DBT: variants seen among roughly 807,000 people sequenced by gnomAD.
The protein encoded by DBT is dihydrolipoamide branched chain transacylase E2.
A neutral mutation model predicts 51.3 loss-of-function variants in DBT; 40 were observed. The ratio of observed to expected loss-of-function variants is 0.78; its 90% confidence interval spans 0.61 to 1.02. The LOEUF is 1.02. Ranked by LOEUF, DBT falls within the 50% of genes least tolerant of loss-of-function variation. DBT has a pLI of 0.00. For synonymous variants in DBT, 181 were observed against 190.4 expected, an observed-to-expected ratio of 0.95 and a Z score of 0.41; for missense variants, 510 against 580.2, an observed-to-expected ratio of 0.88 and a Z score of 1.24.
intron 3 of DBT, among the ~76,000 whole-genome samples, chr1:100,233,166 C>T (rs979948673): frequency 4.6e-5 from 7 of 152,002 alleles, no homozygotes; most frequent in African/African-American, 1.7e-4. Context: ...TGAGACCAGC[C>T]TGGGCTACAA....
intron 10 of DBT, among the ~76,000 whole-genome samples, chr1:100,198,356 T>G (rs1661226413): frequency 6.6e-6 from 1 of 152,174 alleles, no homozygotes; most frequent in African/African-American, 2.4e-5. Context: ...GAGAGATTAC[T>G]CAGTAAGTGC....
Position 100,187,982 on chromosome 1 carries a change from G to C in DBT, c.*8273C>G, listed in dbSNP as rs963282253. 1 of 152,130 alleles carries C rather than the reference G, an allele frequency of 6.6e-6. No individual in the cohort carries two copies. Among genetic ancestry groups the C allele is most frequent in the Non-Finnish European group, 1.5e-5 (1 of 68,030 alleles). 9.4% of individuals were successfully genotyped at this position (152,130 alleles called of 1,614,324 possible). A position where few individuals can be genotyped will look rare whatever the true frequency, so the allele number is the denominator to read the frequency against. On this transcript the variant is annotated 3_prime_UTR_variant, in exon 11 of 11. Transcript: ENST00000370132. ...ATTTCTAATATACACCTAGTTATTA[G>C]AGAAATTAGTGCACTAAAGGACAGT...
Position 100,216,082 on chromosome 1 carries a change from T to G in DBT, c.673A>C (p.Ile225Leu), listed in dbSNP as rs1472099889. Residue 225 changes from isoleucine to leucine, a missense_variant, in exon 6 of 11, where the codon ATT (isoleucine) becomes CTT (leucine). By Grantham distance (5) the Ile-to-Leu change is conservative. Coordinates refer to ENST00000370132, the MANE Select transcript of DBT (RefSeq NM_001918.5). ...AILPPSPKVE[I>L]MPPPPKPKDM... Reference sequence around the variant, plus strand: ...TTTGGCTTTGGTGGAGGTGGCATAATTTCAACTTTGGGTGAAGGAGGCAAT... The same window carrying G: ...TTTGGCTTTGGTGGAGGTGGCATAAGTTCAACTTTGGGTGAAGGAGGCAAT... The G allele has an allele frequency of 5.6e-6, 9 of 1,613,754 alleles. No individual in the cohort carries two copies. In the Admixed American group the frequency reaches 1.2e-4, roughly 21 times the overall value.
chr1:100,229,666 A>G (rs1259690282), intron 4 of DBT, among the ~76,000 whole-genome samples: 2 of 152,194 alleles, frequency 1.3e-5, no homozygotes, highest in African/African-American at 4.8e-5. Flanking sequence ...AATTACAGTG[A>G]GATATCTTTA....
intron 6 of DBT, among the ~76,000 whole-genome samples, chr1:100,215,249 A>G (rs547919715): frequency 2.0e-5 from 3 of 152,330 alleles, no homozygotes; most frequent in Non-Finnish European, 4.4e-5. Flanking sequence ...AAAAAATTCA[A>G]AAGAATGCAA....
chr1:100,241,125 T>C (rs1216291169), intron 1 of DBT, among the ~76,000 whole-genome samples: 1 of 152,184 alleles, frequency 6.6e-6, no homozygotes, highest in Non-Finnish European at 1.5e-5. Context: ...GCTTAAGTCA[T>C]TGGACTTCCT....
chr1:100,191,647 TG>T lies in DBT; in HGVS notation c.*4607del, dbSNP rs2101816261. On this transcript the variant is annotated 3_prime_UTR_variant, in exon 11 of 11. Transcript: ENST00000370132. ...GCTCCAAAGGTGACTAAGACTCAAG[TG>T]TGGACAGAGTATTCTATTCTCCTGC... is the stretch of plus-strand genomic sequence containing the variant. 1 of 152,284 alleles carries T rather than the reference TG, an allele frequency of 6.6e-6. No individual in the cohort carries two copies. Among genetic ancestry groups the T allele is most frequent in the South Asian group, 2.1e-4 (1 of 4,834 alleles). The allele number at this position is 152,284 out of a possible 1,614,324, so 9.4% of individuals were successfully genotyped here. A position where few individuals can be genotyped will look rare whatever the true frequency, so the allele number is the denominator to read the frequency against.
At position 100,192,817 on chromosome 1, in the gene DBT, C is replaced by T. The variant is rs1361792894; in HGVS notation, c.*3438G>A. 6.6e-6 allele frequency: 1 copy of T among 152,216 alleles called. No homozygotes were observed. The highest frequency in any genetic ancestry group is 1.5e-5 in the Non-Finnish European group (1 of 68,048). 9.4% of individuals were successfully genotyped at this position (152,216 alleles called of 1,614,324 possible). On this transcript the variant is annotated 3_prime_UTR_variant, in exon 11 of 11. Coordinates refer to ENST00000370132, the MANE Select transcript of DBT (RefSeq NM_001918.5). ...AATGAAAAGAGCCTTGATTTTCTTG[C>T]TGACCACTCGCAGCAATAATTTTGG...
chr1:100,205,974 G>A (rs1661756762), intron 10 of DBT, among the ~76,000 whole-genome samples: 2 of 151,288 alleles, frequency 1.3e-5, no homozygotes, highest in Non-Finnish European at 2.9e-5. Context: ...AATACCTAAT[G>A]TAGATGACGG....
intron 10 of DBT, among the ~76,000 whole-genome samples, chr1:100,200,591 A>AC (rs1318452678): frequency 5.9e-5 from 9 of 151,980 alleles, no homozygotes; most frequent in African/African-American, 2.2e-4. Context: ...TGGGTCTCTG[A>AC]CCCCCATGCC....
At chr1:100,211,219 C>T in intron 7 of DBT, 1 of 699,808 alleles carries the variant, frequency 1.4e-6, no homozygotes, top group Non-Finnish European at 2.6e-6. Context: ...CAGTAGATGC[C>T]AGTTTGCTAC....
At chr1:100,198,146 T>C (rs1486006727) in intron 10 of DBT, among the ~76,000 whole-genome samples, 2 of 152,164 alleles carry the variant, frequency 1.3e-5, no homozygotes, top group Admixed American at 1.3e-4. Context: ...AAACAAAACA[T>C]GGCATACATT....
At position 100,206,469 on chromosome 1, in the gene DBT, T is replaced by A. The variant is rs760500398; in HGVS notation, c.1185A>T (p.Thr395=). Reference sequence around the variant, plus strand: ...CTGATCCAATGTTGGAAAGAGTAAATGTTCCTCCTGTAAGATCAGTGGTGC... The same window carrying A: ...CTGATCCAATGTTGGAAAGAGTAAAAGTTCCTCCTGTAAGATCAGTGGTGC... ...QLSTTDLTGG[T]FTLSNIGSIG... The change falls in exon 9 of 11, where the codon ACA becomes ACT. Residue 395 remains threonine, a synonymous_variant. Transcript: ENST00000370132. 1.9e-6 allele frequency: 3 copies of A among 1,613,666 alleles called. No homozygotes were observed. The highest frequency in any genetic ancestry group is 1.3e-5 in the African/African-American group (1 of 74,910).
At chr1:100,238,220 C>G (rs944617443) in intron 2 of DBT, among the ~76,000 whole-genome samples, 1 of 139,442 alleles carries the variant, frequency 7.2e-6, no homozygotes, top group African/African-American at 2.6e-5. Flanking sequence ...TCCCTCGCTT[C>G]CTTTCCTCCC....
At chr1:100,222,994 G>A (rs1472578563) in intron 4 of DBT, among the ~76,000 whole-genome samples, 1 of 152,180 alleles carries the variant, frequency 6.6e-6, no homozygotes, top group Non-Finnish European at 1.5e-5. Context: ...TTGGTTATAT[G>A]TCTTCTCAGA....
chr1:100,215,029 T>G, intron 6 of DBT, 46 bp from the exon 7 acceptor site: 1 of 1,257,700 alleles, frequency 8.0e-7, no homozygotes, highest in Non-Finnish European at 1.1e-6. Context: ...TTCTCAAATC[T>G]CTTCATCCTT....
chr1:100,230,837 A>G lies in DBT; in HGVS notation c.329T>C (p.Ile110Thr). Reference sequence around the variant, plus strand: ...AATGACTCCATCATAACGACTAGTGATGGTAACAGAAGCTTTATCACTTTG... The same window carrying G: ...AATGACTCCATCATAACGACTAGTGGTGGTAACAGAAGCTTTATCACTTTG... ...EVQSDKASVT[I>T]TSRYDGVIKK... is the part of the protein sequence containing the mutation. The change falls in exon 4 of 11, where the codon ATC becomes ACC. Residue 110 changes from isoleucine to threonine, a missense_variant. By Grantham distance (89) the Ile-to-Thr change is moderately conservative. Transcript: ENST00000370132. The G allele has an allele frequency of 6.2e-7, 1 of 1,607,380 alleles. No individual in the cohort carries two copies. The highest frequency in any genetic ancestry group is 8.5e-7 in the Non-Finnish European group (1 of 1,174,012).
At chr1:100,244,721 A>G (rs1292167557) in intron 1 of DBT, among the ~76,000 whole-genome samples, 2 of 152,092 alleles carry the variant, frequency 1.3e-5, no homozygotes, top group Non-Finnish European at 2.9e-5. Flanking sequence ...AGTAATAATA[A>G]TAACTGATAA....
In DBT at chr1:100,218,684, A is replaced by G; in HGVS notation, c.497T>C (p.Ile166Thr). The G allele has an allele frequency of 6.2e-7, 1 of 1,613,860 alleles. No homozygotes were observed. The highest frequency in any genetic ancestry group is 8.5e-7 in the Non-Finnish European group (1 of 1,179,932). ...VSHDEHTHQEIKGRKTLATPA... is the reference protein window; with the variant it reads ...VSHDEHTHQETKGRKTLATPA... ...AGTTGCCAGTGTTTTTCGGCCCTTT[A>G]TCTCTTGGTGTGTATGTTCATCATG... The change falls in exon 5 of 11, where the codon ATA becomes ACA. Residue 166 changes from isoleucine to threonine, a missense_variant. Ile to Thr is a moderately conservative substitution (Grantham distance 89, BLOSUM62 -1). Transcript: ENST00000370132.
Sources: allele counts gnomAD v4.1 joint callset (sites outside exome capture counted in the v4.1 genomes callset), GRCh38; gene constraint gnomAD v4.1.1; transcripts MANE v1.5; gene names NCBI Gene and HGNC (gene_info 2026-07-23, HGNC 2026-07-21).